Variants in BSN observed in about 807,000 individuals in gnomAD.
BSN encodes the protein bassoon presynaptic cytomatrix protein.
Under a neutral mutation model 264.8 loss-of-function variants are expected in BSN, and 57 were observed. The ratio of observed to expected loss-of-function variants is 0.22; its 90% confidence interval spans 0.17 to 0.27. The LOEUF (loss-of-function observed/expected upper bound fraction) is 0.27, where lower values mean the gene tolerates loss of function less well. BSN is among the 10% of genes least tolerant of loss of function. BSN has a pLI of 1.00. For synonymous variants in BSN, 2,059 were observed against 2,137.3 expected, an observed-to-expected ratio of 0.96 and a Z score of 1.01; for missense variants, 4,615 against 5,232.5, an observed-to-expected ratio of 0.88 and a Z score of 3.64.
Position 49,655,777 on chromosome 3 carries a change from G to T in BSN, c.6221G>T (p.Gly2074Val). ...VSNIYSDHRY[G>V]PRGDAVGFQE... ...AACATCTACTCAGACCACAGGTACGGCCCACGGGGAGATGCAGTTGGCTTC... is the reference window on the plus strand; with the variant it reads ...AACATCTACTCAGACCACAGGTACGTCCCACGGGGAGATGCAGTTGGCTTC... Residue 2074 changes from glycine (G) to valine (V), a missense_variant, in exon 5 of 12, where the codon GGC becomes GTC. Gly to Val is a moderately radical substitution (Grantham distance 109). This residue lies in a region of BSN where 3,415 missense variants were observed against 3,866.4 expected (regional missense o/e 0.88). Coordinates refer to ENST00000296452, the MANE Select transcript of BSN (RefSeq NM_003458.4). 6.2e-7 allele frequency: 1 copy of T among 1,613,442 alleles called. No homozygotes were observed. Among genetic ancestry groups the T allele is most frequent in the African/African-American group, 1.3e-5 (1 of 75,060 alleles).
intron 2 of BSN, among the ~76,000 whole-genome samples, chr3:49,633,172 G>A (rs2052394140): frequency 6.6e-6 from 1 of 151,702 alleles, no homozygotes; most frequent in Non-Finnish European, 1.5e-5. Flanking sequence ...TGTGGTGGTG[G>A]GCACTTGTAA....
chr3:49,650,146 A>G (rs1251676249), intron 3 of BSN, among the ~76,000 whole-genome samples: 1 of 151,702 alleles, frequency 6.6e-6, no homozygotes, highest in Non-Finnish European at 1.5e-5. Context: ...CAGACCTGAG[A>G]GCTGGGAGGC....
chr3:49,664,133 G>A (rs773329414), intron 8 of BSN, among the ~76,000 whole-genome samples: 1 of 152,222 alleles, frequency 6.6e-6, no homozygotes, highest in Non-Finnish European at 1.5e-5. Context: ...GCACTGGTGA[G>A]CACAGGGTGG....
intron 1 of BSN, among the ~76,000 whole-genome samples, chr3:49,561,722 A>C (rs1428953371): frequency 6.6e-6 from 1 of 152,180 alleles, no homozygotes; most frequent in Non-Finnish European, 1.5e-5. Context: ...CTTAAAATCT[A>C]TTAGCAGAAA....
chr3:49,561,327 A>G (rs1208237469), intron 1 of BSN, among the ~76,000 whole-genome samples: 1 of 152,146 alleles, frequency 6.6e-6, no homozygotes, highest in East Asian at 1.9e-4. Flanking sequence ...GGATCACCCC[A>G]CCCAGTCCTA....
Position 49,584,295 on chromosome 3 carries a change from T to TA in BSN, c.224+29470dup, listed in dbSNP as rs397809607. On this transcript the variant is annotated intron_variant, in intron 1 of 11. Coordinates refer to ENST00000296452, the MANE Select transcript of BSN (RefSeq NM_003458.4). ...AAAGAAGGCTTATTGATTTTTTTTT[T>TA]ATCTTTTGAAAGAACCATCTTTTGG... Among the ~76,000 whole-genome samples the TA allele has an allele frequency of 5.9e-5, 9 of 151,632 alleles. 1 individual carries two copies. The highest frequency in any genetic ancestry group is 3.9e-4 in the East Asian group (2 of 5,172).
intron 1 of BSN, among the ~76,000 whole-genome samples, chr3:49,610,556 C>G (rs893457770): frequency 8.7e-6 from 1 of 114,842 alleles, no homozygotes; most frequent in Non-Finnish European, 1.6e-5. Context: ...TGCACTCCAG[C>G]CTGGGCAACA....
At chr3:49,643,201 G>T (rs1222288574) in intron 3 of BSN, 49 bp downstream of exon 3, 1 of 1,553,056 alleles carries the variant, frequency 6.4e-7, no homozygotes. Context: ...GAGAGGCCGG[G>T]CCTGGGTAGT....
chr3:49,566,026 T>C (rs1378828122), intron 1 of BSN, among the ~76,000 whole-genome samples: 2 of 152,162 alleles, frequency 1.3e-5, no homozygotes, highest in African/African-American at 4.8e-5. Context: ...GGTTTTGCCA[T>C]GTTGGCCAGG....
intron 1 of BSN, among the ~76,000 whole-genome samples, chr3:49,573,209 CAT>C (rs1363522785): frequency 3.9e-5 from 6 of 152,102 alleles, no homozygotes; most frequent in East Asian, 1.9e-4. Flanking sequence ...CAGGTGAAGA[CAT>C]GTGTGATGTG....
chr3:49,643,171 A>G lies in BSN; in HGVS notation c.1518+19A>G. On this transcript the variant is annotated intron_variant, in intron 3 of 11. Transcript: ENST00000296452. ...GGTGGAGGTAAGAGCTGGACCAAGC[A>G]TGCTCCCTTGAACCTTGATGAGAGG... 3.1e-6 allele frequency: 5 copies of G among 1,594,996 alleles called. No homozygotes were observed. The highest frequency in any genetic ancestry group is 1.1e-5 in the South Asian group (1 of 89,186).
intron 1 of BSN, among the ~76,000 whole-genome samples, chr3:49,606,181 A>ATATATTATATATACATATATATG (rs1559603522): frequency 5.9e-4 from 4 of 6,804 alleles, no homozygotes; most frequent in Non-Finnish European, 7.5e-4. Context: ...TTATATATGT[A>ATATATTATATATACATATATATG]TATATATTAT....
chr3:49,580,932 A>G (rs911255656), intron 1 of BSN, among the ~76,000 whole-genome samples: 1 of 150,884 alleles, frequency 6.6e-6, no homozygotes, highest in Non-Finnish European at 1.5e-5. Flanking sequence ...AACTCTGACC[A>G]TTAACCAGCA....
intron 1 of BSN, among the ~76,000 whole-genome samples, chr3:49,612,727 A>G (rs2052218283): frequency 6.6e-6 from 1 of 152,214 alleles, no homozygotes; most frequent in South Asian, 2.1e-4. Context: ...CAAAATGGGT[A>G]TAATTGGTAT....
At chr3:49,566,014 G>A (rs965708325) in intron 1 of BSN, among the ~76,000 whole-genome samples, 2 of 152,034 alleles carry the variant, frequency 1.3e-5, no homozygotes, top group African/African-American at 4.8e-5. Context: ...TACTAGAGAC[G>A]GGGTTTTGCC....
intron 1 of BSN, among the ~76,000 whole-genome samples, chr3:49,555,603 G>A (rs981107168): frequency 1.3e-5 from 2 of 152,240 alleles, no homozygotes; most frequent in Non-Finnish European, 2.9e-5. Flanking sequence ...AAACCAGTTT[G>A]TTTTAAATGT....
intron 1 of BSN, among the ~76,000 whole-genome samples, chr3:49,568,939 G>C (rs933777448): frequency 6.6e-6 from 1 of 152,168 alleles, no homozygotes; most frequent in African/African-American, 2.4e-5. Context: ...GGGGTGCGGG[G>C]TTTTGCAGGA....
At chr3:49,577,820 A>G (rs547926291) in intron 1 of BSN, among the ~76,000 whole-genome samples, 16 of 152,254 alleles carry the variant, frequency 1.1e-4, no homozygotes, top group African/African-American at 3.9e-4. Flanking sequence ...AATTACAGGC[A>G]TGAGCCAACG....
rs2108098265 is a variant in BSN at position 49,663,181 on chromosome 3, G to A, written c.11023G>A (p.Gly3675Ser). 1 of 1,613,638 alleles carries A rather than the reference G, an allele frequency of 6.2e-7. No individual in the cohort carries two copies. The highest frequency in any genetic ancestry group is 8.5e-7 in the Non-Finnish European group (1 of 1,179,948). The change falls in exon 7 of 12, where the codon GGT becomes AGT. Residue 3675 changes from glycine (G) to serine (S), a missense_variant. By Grantham distance (56) the Gly-to-Ser change is moderately conservative (BLOSUM62 0). Coordinates refer to ENST00000296452, the MANE Select transcript of BSN (RefSeq NM_003458.4). ...TGCCAAACCACACGCTCGGGACCTG[G>A]GTCGCCATGAGGCCCGGCCCCACTC... ...RAAKPHARDL[G>S]RHEARPHSQP...
Sources: allele counts gnomAD v4.1 joint callset (sites outside exome capture counted in the v4.1 genomes callset), GRCh38; gene constraint gnomAD v4.1.1; regional missense constraint gnomAD v4.1.1; transcripts MANE v1.5; gene names NCBI Gene and HGNC (gene_info 2026-07-23, HGNC 2026-07-21).